Variants in MINPP1 observed in about 807,000 individuals in gnomAD.
MINPP1 encodes the protein multiple inositol-polyphosphate phosphatase 1.
A neutral mutation model predicts 46.1 loss-of-function variants in MINPP1; 28 were observed. The observed-to-expected ratio is 0.61, with a 90% CI of 0.45 to 0.83. The LOEUF (loss-of-function observed/expected upper bound fraction) is 0.83. Among genes scored for constraint, MINPP1 ranks in the 40% least tolerant of loss-of-function variants. The pLI is 0.00. For missense variants in MINPP1, 603 were observed against 610.0 expected (o/e 0.99, Z 0.12); for synonymous variants, 268 against 249.1 (o/e 1.08, Z -0.72).
rs554553754 is a variant in MINPP1 at position 87,527,249 on chromosome 10, A to G, written c.1067+6080A>G. 1.6e-3 allele frequency among the ~76,000 whole-genome samples: 236 copies of G among 152,250 alleles called. 1 individual carries two copies. The highest frequency in any genetic ancestry group is 3.9e-3 in the African/African-American group (161 of 41,538). On this transcript the variant is annotated intron_variant, in intron 4 of 4. Transcript: ENST00000371996. ...AGCAGTGGTTTGTAGTTCTCCTTGA[A>G]GAGGTCCTTCACATCCCTACAATTG...
At chr10:87,544,693 G>C (rs918516602) in intron 4 of MINPP1, among the ~76,000 whole-genome samples, 3 of 152,064 alleles carry the variant, frequency 2.0e-5, no homozygotes, top group Non-Finnish European at 4.4e-5. Context: ...CCTTAAGAAA[G>C]AAGCCTCTCT....
chr10:87,541,868 A>C (rs1379350579), intron 4 of MINPP1, among the ~76,000 whole-genome samples: 1 of 152,162 alleles, frequency 6.6e-6, no homozygotes, highest in Admixed American at 6.6e-5. Context: ...TTTGAGAGGG[A>C]TCCTCCCCCA....
intron 4 of MINPP1, among the ~76,000 whole-genome samples, chr10:87,547,929 A>C (rs1589387241): frequency 6.6e-6 from 1 of 152,198 alleles, no homozygotes; most frequent in East Asian, 1.9e-4. Flanking sequence ...GCTCAAATCC[A>C]ACAGCTTTGC....
At chr10:87,550,664 C>A (rs145902668) in intron 4 of MINPP1, among the ~76,000 whole-genome samples, 338 of 152,124 alleles carry the variant, frequency 2.2e-3, no homozygotes, top group African/African-American at 7.8e-3. Context: ...AGAGCCCCCC[C>A]GTTCTGGTGT....
intron 4 of MINPP1, among the ~76,000 whole-genome samples, chr10:87,522,268 A>G (rs1851512828): frequency 6.6e-6 from 1 of 152,224 alleles, no homozygotes; most frequent in African/African-American, 2.4e-5. Context: ...CAAAATGCTT[A>G]TGACATAATT....
rs183978959 is a variant in MINPP1, at chr10:87,548,071, G to A, written c.1068-4011G>A. Among the ~76,000 whole-genome samples the A allele has an allele frequency of 2.3e-4, 35 of 152,174 alleles. No individual in the cohort carries two copies. The East Asian group carries it at 6.2e-3, about 27-fold the overall frequency. ...TTCTTAGTTTTTCCCTCTCTAAAAG[G>A]GTATGACAGAACCTGTATCATAGAG... On this transcript the variant is annotated intron_variant, in intron 4 of 4. Transcript: ENST00000371996.
chr10:87,545,536 AATTT>A, intron 4 of MINPP1, among the ~76,000 whole-genome samples: 1 of 152,320 alleles, frequency 6.6e-6, no homozygotes, highest in Middle Eastern at 3.4e-3. Flanking sequence ...CTTTTTAAAA[AATTT>A]ATTCTTAAGA....
At chr10:87,531,921 A>G (rs1448409620) in intron 4 of MINPP1, among the ~76,000 whole-genome samples, 1 of 152,212 alleles carries the variant, frequency 6.6e-6, no homozygotes, top group African/African-American at 2.4e-5. Context: ...ATTTTGGATA[A>G]GGAATACTCA....
intron 4 of MINPP1, among the ~76,000 whole-genome samples, chr10:87,530,810 A>G (rs537590667): frequency 1.3e-5 from 2 of 152,316 alleles, no homozygotes; most frequent in South Asian, 4.1e-4. Context: ...GGTGGAGTCT[A>G]CAGAGGCAGG....
chr10:87,522,538 TTATAC>T (rs1452926022), intron 4 of MINPP1, among the ~76,000 whole-genome samples: 2 of 152,202 alleles, frequency 1.3e-5, no homozygotes, highest in African/African-American at 4.8e-5. Context: ...AAAGTTATGT[TTATAC>T]TATAATAAGT....
At chr10:87,527,609 C>A (rs1023588069) in intron 4 of MINPP1, among the ~76,000 whole-genome samples, 1 of 152,110 alleles carries the variant, frequency 6.6e-6, no homozygotes, top group African/African-American at 2.4e-5. Flanking sequence ...AGCCTTGCAT[C>A]CCAGGGATGA....
chr10:87,521,889 A>G (rs572843474), intron 4 of MINPP1, among the ~76,000 whole-genome samples: 6 of 152,210 alleles, frequency 3.9e-5, no homozygotes, highest in Non-Finnish European at 7.3e-5. Context: ...TAGAACCTCA[A>G]TTCCAGGCTT....
chr10:87,508,852 CT>C (rs1225895077), intron 2 of MINPP1, among the ~76,000 whole-genome samples: 6 of 151,756 alleles, frequency 4.0e-5, no homozygotes, highest in African/African-American at 9.7e-5. Context: ...GAATTTCCCC[CT>C]GATAAAGTGA....
At chr10:87,506,814 A>G (rs1037589971) in intron 1 of MINPP1, among the ~76,000 whole-genome samples, 1 of 152,248 alleles carries the variant, frequency 6.6e-6, no homozygotes, top group Non-Finnish European at 1.5e-5. Flanking sequence ...GCTGTTGAAC[A>G]GTGAAACCAT....
At chr10:87,550,299 A>G (rs889304561) in intron 4 of MINPP1, among the ~76,000 whole-genome samples, 11 of 152,210 alleles carry the variant, frequency 7.2e-5, no homozygotes, top group Non-Finnish European at 2.9e-5. Flanking sequence ...TTCAGACCTA[A>G]GAGATTGCTT....
chr10:87,523,557 C>T (rs1225537647), intron 4 of MINPP1, among the ~76,000 whole-genome samples: 1 of 150,540 alleles, frequency 6.6e-6, no homozygotes, highest in Admixed American at 6.6e-5. Flanking sequence ...GATGGGGTTT[C>T]ACCTTGTTAG....
rs557603197 is a variant in MINPP1 at position 87,536,128 on chromosome 10, G to T, written c.1067+14959G>T. 8.5e-5 allele frequency among the ~76,000 whole-genome samples: 13 copies of T among 152,188 alleles called. 1 individual carries two copies. The South Asian group carries it at 2.7e-3, about 32-fold the overall frequency. ...TGAAATAAATATACAGCGTTTTCCAGGTTATCTTTGATAACCCACTATGTT... is the reference window on the plus strand; with the variant it reads ...TGAAATAAATATACAGCGTTTTCCATGTTATCTTTGATAACCCACTATGTT... On this transcript the variant is annotated intron_variant, in intron 4 of 4. Coordinates refer to ENST00000371996, the MANE Select transcript of MINPP1 (RefSeq NM_004897.5).
rs962405853 is a variant in MINPP1 at position 87,521,319 on chromosome 10, A to G, written c.1067+150A>G. ...GTGATACAAAAGAATTCGATAACAT[A>G]TATGTAAATTATAAAACATACGAAC... On this transcript the variant is annotated intron_variant, in intron 4 of 4. Coordinates refer to ENST00000371996, the MANE Select transcript of MINPP1 (RefSeq NM_004897.5). The G allele has an allele frequency of 7.6e-5, 47 of 620,672 alleles. 1 individual carries two copies. Among genetic ancestry groups the G allele is most frequent in the Admixed American group, 7.1e-4 (25 of 35,084 alleles). The allele number at this position is 620,672 out of a possible 1,614,324, so 38.4% of individuals were successfully genotyped here. A position where few individuals can be genotyped will look rare whatever the true frequency, so the allele number is the denominator to read the frequency against.
At chr10:87,530,916 C>G (rs1184925057) in intron 4 of MINPP1, among the ~76,000 whole-genome samples, 1 of 152,214 alleles carries the variant, frequency 6.6e-6, no homozygotes, top group African/African-American at 2.4e-5. Flanking sequence ...ACGCCCTTCC[C>G]CTAGCCTCAC....
Sources: gnomAD v4.1 joint callset for allele counts (sites outside exome capture counted in the v4.1 genomes callset) on GRCh38, gnomAD v4.1.1 for gene constraint, MANE v1.5 for transcripts, NCBI Gene and HGNC (gene_info 2026-07-23, HGNC 2026-07-21) for gene names.